The following LIPA variants were observed in gnomAD, a reference collection of about 807,000 sequenced individuals.
LIPA encodes lysosomal acid lipase/cholesteryl ester hydrolase.
In LIPA, 26 loss-of-function variants were observed where a neutral mutation model predicts 40.6. That is an observed-to-expected ratio of 0.64 (90% CI 0.47 to 0.89). LIPA has a LOEUF of 0.89. Ranked by LOEUF, LIPA falls within the 40% of genes least tolerant of loss-of-function variation. LIPA has a pLI of 0.00. For missense variants in LIPA, 455 were observed against 479.6 expected, an observed-to-expected ratio of 0.95 and a Z score of 0.48; for synonymous variants, 188 against 168.4, an observed-to-expected ratio of 1.12 and a Z score of -0.90.
chr10:89,397,415 C>T (rs959800469), intron 2 of LIPA, among the ~76,000 whole-genome samples: 1 of 151,242 alleles, frequency 6.6e-6, no homozygotes, highest in Non-Finnish European at 1.5e-5. Context: ...ATCTTGAAGG[C>T]CATAATAATA....
intron 3 of LIPA, among the ~76,000 whole-genome samples, chr10:89,232,829 A>G (rs1842858686): frequency 6.6e-6 from 1 of 152,218 alleles, no homozygotes; most frequent in South Asian, 2.1e-4. Flanking sequence ...TTGAAGATAC[A>G]TCAGGAAAGT....
At chr10:89,292,925 AGACATGAGCCACTGTACCTG>A (rs1458739860) in intron 1 of LIPA, among the ~76,000 whole-genome samples, 1 of 152,062 alleles carries the variant, frequency 6.6e-6, no homozygotes, top group Non-Finnish European at 1.5e-5. Context: ...CTGAGATTAC[AGACATGAGCCACTGTACCTG>A]GGCACAATTC....
chr10:89,245,638 A>C, intron 3 of LIPA, 38 bp downstream of exon 3: 1 of 1,038,306 alleles, frequency 9.6e-7, no homozygotes, highest in Non-Finnish European at 1.5e-6. Flanking sequence ...CAAAACCCAG[A>C]AGAATTCTGG....
At chr10:89,240,854 A>C (rs1463432941) in intron 3 of LIPA, among the ~76,000 whole-genome samples, 1 of 152,172 alleles carries the variant, frequency 6.6e-6, no homozygotes, top group African/African-American at 2.4e-5. Context: ...GCAATGTCAC[A>C]GGAGGGCTGC....
At chr10:89,219,065 T>C (rs1050141288) in intron 8 of LIPA, among the ~76,000 whole-genome samples, 3 of 152,224 alleles carry the variant, frequency 2.0e-5, no homozygotes, top group Non-Finnish European at 4.4e-5. Flanking sequence ...ACTCATGTAT[T>C]TTCTAAAATT....
At chr10:89,301,462 T>C (rs963801685) in intron 1 of LIPA, among the ~76,000 whole-genome samples, 2 of 152,184 alleles carry the variant, frequency 1.3e-5, no homozygotes, top group Non-Finnish European at 2.9e-5. Flanking sequence ...GCTTTGTAAA[T>C]GTGTCCTCCT....
chr10:89,317,471 T>C (rs539810995), intron 1 of LIPA, among the ~76,000 whole-genome samples: 4 of 152,150 alleles, frequency 2.6e-5, no homozygotes, highest in East Asian at 3.8e-4. Context: ...GTATTAGTGA[T>C]TGAAGATCAA....
At chr10:89,223,993 G>C (rs143396133) in intron 6 of LIPA, among the ~76,000 whole-genome samples, 163 bp from the exon 7 acceptor site, 1 of 152,342 alleles carries the variant, frequency 6.6e-6, no homozygotes, top group Non-Finnish European at 1.5e-5. Context: ...TTTTGCACAA[G>C]TTTACCAAAG....
intron 2 of LIPA, among the ~76,000 whole-genome samples, chr10:89,391,357 ACACACAC>A (rs1844248902): frequency 1.3e-5 from 2 of 150,986 alleles, no homozygotes; most frequent in African/African-American, 4.9e-5. Flanking sequence ...GAGACCACAG[ACACACAC>A]CACCACACCC....
intron 1 of LIPA, among the ~76,000 whole-genome samples, chr10:89,282,219 C>T (rs1174718557): frequency 6.6e-6 from 1 of 152,146 alleles, no homozygotes; most frequent in Non-Finnish European, 1.5e-5. Flanking sequence ...TCCAGACCAA[C>T]GATTTTTATT....
intron 2 of LIPA, among the ~76,000 whole-genome samples, chr10:89,389,628 G>T: frequency 6.6e-6 from 1 of 152,332 alleles, no homozygotes; most frequent in African/African-American, 2.4e-5. Flanking sequence ...TTAATAAGTT[G>T]TGATTGGATA....
At chr10:89,395,392 C>T (rs1844327444) in intron 2 of LIPA, among the ~76,000 whole-genome samples, 1 of 152,170 alleles carries the variant, frequency 6.6e-6, no homozygotes, top group South Asian at 2.1e-4. Flanking sequence ...CTCAATGGCT[C>T]CCCCTTTCCC....
At chr10:89,328,244 C>CT (rs1564787022) in intron 1 of LIPA, among the ~76,000 whole-genome samples, 1 of 152,094 alleles carries the variant, frequency 6.6e-6, no homozygotes, top group Admixed American at 6.6e-5. Flanking sequence ...TTCCCTGTGG[C>CT]TTTTTTTGGT....
chr10:89,322,086 G>A (rs921503198), intron 1 of LIPA, among the ~76,000 whole-genome samples: 1 of 152,128 alleles, frequency 6.6e-6, no homozygotes, highest in Non-Finnish European at 1.5e-5. Context: ...GGGGGAGGGA[G>A]GAGGGTTAGC....
At chr10:89,310,493 C>T (rs538270534) in intron 1 of LIPA, among the ~76,000 whole-genome samples, 1 of 152,144 alleles carries the variant, frequency 6.6e-6, no homozygotes, top group Non-Finnish European at 1.5e-5. Flanking sequence ...TACATTTGCC[C>T]TATTGCCCTT....
At chr10:89,284,735 C>A (rs1013449218) in intron 1 of LIPA, among the ~76,000 whole-genome samples, 1 of 152,172 alleles carries the variant, frequency 6.6e-6, no homozygotes, top group Non-Finnish European at 1.5e-5. Context: ...GGCCTCTGAG[C>A]CCAAGCTAAG....
At chr10:89,311,560 T>C (rs1254647965) in intron 1 of LIPA, among the ~76,000 whole-genome samples, 1 of 151,008 alleles carries the variant, frequency 6.6e-6, no homozygotes, top group Non-Finnish European at 1.5e-5. Context: ...CAAACCTACT[T>C]GTACGTTTTT....
upstream of LIPA, among the ~76,000 whole-genome samples, chr10:89,254,478 A>C (rs1173457182): frequency 6.6e-6 from 1 of 152,182 alleles, no homozygotes; most frequent in Non-Finnish European, 1.5e-5. Flanking sequence ...AGCAGGGAGG[A>C]CCTGAGCCAG....
At chr10:89,222,136 T>A (rs1842707288) in intron 8 of LIPA, among the ~76,000 whole-genome samples, 1 of 149,700 alleles carries the variant, frequency 6.7e-6, no homozygotes, top group Non-Finnish European at 1.5e-5. Flanking sequence ...TCACTCTTTA[T>A]GAAGCAACAC....
Sources: allele counts gnomAD v4.1 joint callset (sites outside exome capture counted in the v4.1 genomes callset), GRCh38; gene constraint gnomAD v4.1.1; transcripts MANE v1.5; gene names NCBI Gene and HGNC (gene_info 2026-07-23, HGNC 2026-07-21).